The following USH1C variants were observed in gnomAD, a reference collection of about 807,000 sequenced individuals.
The protein encoded by USH1C is harmonin.
A neutral mutation model predicts 119.3 loss-of-function variants in USH1C; 90 were observed. The observed-to-expected ratio is 0.75, with a 90% CI of 0.64 to 0.90. The LOEUF is 0.90. Ranked by LOEUF, USH1C falls within the 40% of genes least tolerant of loss-of-function variation. The pLI, the probability that USH1C is intolerant of heterozygous loss-of-function variation, is 0.00. For synonymous variants in USH1C, 465 were observed against 443.3 expected (o/e 1.05, Z -0.62); for missense variants, 1,165 against 1,167.7 (o/e 1.00, Z 0.03).
At chr11:17,525,460 G>A (rs75636667) in intron 8 of USH1C, among the ~76,000 whole-genome samples, 3,843 of 152,304 alleles carry the variant, frequency 0.025, 168 homozygotes, top group African/African-American at 0.087. Flanking sequence ...CTATTTAGCA[G>A]GTACTAAGTT....
At chr11:17,526,927 G>A in intron 6 of USH1C, 89 bp downstream of exon 6, 1 of 1,572,134 alleles carries the variant, frequency 6.4e-7, no homozygotes, top group Non-Finnish European at 8.6e-7. Flanking sequence ...CCAGAAGCAG[G>A]GCTGGCATGG....
intron 24 of USH1C, among the ~76,000 whole-genome samples, chr11:17,497,202 A>G (rs1849279780): frequency 6.6e-6 from 1 of 152,154 alleles, no homozygotes; most frequent in African/African-American, 2.4e-5. Flanking sequence ...ATTCCGACGC[A>G]CTTTCTGATG....
At chr11:17,539,859 G>GTT in intron 1 of USH1C, among the ~76,000 whole-genome samples, 1 of 135,292 alleles carries the variant, frequency 7.4e-6, no homozygotes. Flanking sequence ...TTGAGACCAG[G>GTT]TCTTACTCTG....
At chr11:17,500,209 A>G (rs12799754) in intron 23 of USH1C, among the ~76,000 whole-genome samples, 189 of 152,304 alleles carry the variant, frequency 1.2e-3, no homozygotes, top group African/African-American at 4.3e-3. Context: ...GACACAGGGT[A>G]TGGGGGCCTC....
At chr11:17,541,563 C>T (rs76231741) in intron 1 of USH1C, among the ~76,000 whole-genome samples, 2,783 of 152,306 alleles carry the variant, frequency 0.018, 86 homozygotes, top group African/African-American at 0.061. Context: ...AAGTTCCTAC[C>T]CTGTGCTGGT....
At chr11:17,519,999 G>A (rs1422472836) in intron 14 of USH1C, among the ~76,000 whole-genome samples, 1 of 152,194 alleles carries the variant, frequency 6.6e-6, no homozygotes, top group African/African-American at 2.4e-5. Flanking sequence ...GCCCCTTGCT[G>A]GAGGTTCCCA....
At position 17,511,991 on chromosome 11, in the gene USH1C, C is replaced by A. The variant is rs1274924984; in HGVS notation, c.1324G>T (p.Glu442Ter). The A allele has an allele frequency of 6.2e-7, 1 of 1,614,072 alleles. No homozygotes were observed. Among genetic ancestry groups the A allele is most frequent in the Non-Finnish European group, 8.5e-7 (1 of 1,180,052 alleles). The change falls in exon 16 of 27, where the codon GAA becomes TAA. Residue 442 changes from glutamate (E) to a stop codon, truncating the protein, a stop_gained. Coordinates refer to ENST00000005226, the MANE Select transcript of USH1C (RefSeq NM_153676.4). LOFTEE classifies it high-confidence loss of function. ...SLQDLRKNKK[E>*]LEFEQKLYKE... Reference sequence around the variant, plus strand: ...TAAAGCTTTTGCTCAAACTCCAGTTCTTTCTTATTCTTTCTCAAGTCCTGC... The same window carrying A: ...TAAAGCTTTTGCTCAAACTCCAGTTATTTCTTATTCTTTCTCAAGTCCTGC...
chr11:17,499,923 T>C (rs1291096313), intron 23 of USH1C, among the ~76,000 whole-genome samples: 2 of 152,096 alleles, frequency 1.3e-5, no homozygotes, highest in Admixed American at 6.5e-5. Flanking sequence ...AGGGATCTGC[T>C]CATAGGGTCC....
chr11:17,507,645 C>T (rs1197463648), intron 18 of USH1C, among the ~76,000 whole-genome samples: 1 of 152,192 alleles, frequency 6.6e-6, no homozygotes. Flanking sequence ...AGGTAGCTGC[C>T]ATTAGCATTC....
chr11:17,544,171 G>A, intron 1 of USH1C, 101 bp downstream of exon 1: 1 of 1,495,710 alleles, frequency 6.7e-7, no homozygotes, highest in Non-Finnish European at 9.3e-7. Flanking sequence ...GCCATCAGGT[G>A]GGGCCGGAAA....
rs1169319571 is a variant in USH1C, at chr11:17,510,497, G to T, written c.1438C>A (p.Leu480Ile). The T allele has an allele frequency of 6.2e-7, 1 of 1,613,978 alleles. No individual in the cohort carries two copies. Among genetic ancestry groups the T allele is most frequent in the South Asian group, 1.1e-5 (1 of 91,064 alleles). The stretch of plus-strand genomic sequence containing the variant: ...TATTGAATCTTTTCCGATTCTTCAA[G>T]GTCTTCCCGCTCTGTCTCAGACACC... Reference protein sequence around the residue: ...QEVSETEREDLEESEKIQYWV... With the variant: ...QEVSETEREDIEESEKIQYWV... The change falls in exon 17 of 27, where the codon CTT becomes ATT. Residue 480 changes from leucine (L) to isoleucine (I), a missense_variant. Coordinates refer to ENST00000005226, the MANE Select transcript of USH1C (RefSeq NM_153676.4).
intron 8 of USH1C, among the ~76,000 whole-genome samples, chr11:17,525,391 AT>A (rs1251417364): frequency 6.6e-6 from 1 of 152,278 alleles, no homozygotes; most frequent in Non-Finnish European, 1.5e-5. Context: ...ATAAATGTGA[AT>A]GAAAGGAAAG....
At chr11:17,540,949 G>A (rs188095511) in intron 1 of USH1C, among the ~76,000 whole-genome samples, 5 of 152,140 alleles carry the variant, frequency 3.3e-5, no homozygotes, top group South Asian at 2.1e-4. Context: ...CCACCCCTCC[G>A]ACCCATTTCT....
rs201870537 is a variant in USH1C at position 17,509,822 on chromosome 11, G to A, written c.1547C>T (p.Pro516Leu). Residue 516 changes from proline (P) to leucine (L), a missense_variant, in exon 18 of 27, where the codon CCG becomes CTG. Transcript: ENST00000005226. ...GGGAGACACAGAAGGCGGGGGAGGCGGGGGCCCTGTGGTCATCTGGGGGTG... is the reference window on the plus strand; with the variant it reads ...GGGAGACACAGAAGGCGGGGGAGGCAGGGGCCCTGTGGTCATCTGGGGGTG... ...NEISEMTTGPPPPPPSVSPLA... is the reference protein window; with the variant it reads ...NEISEMTTGPLPPPPSVSPLA... 6.5e-5 allele frequency: 104 copies of A among 1,595,788 alleles called. No individual in the cohort carries two copies. The highest frequency in any genetic ancestry group is 1.1e-4 in the East Asian group (5 of 44,810).
chr11:17,523,760 A>C (rs1850533180), intron 9 of USH1C, among the ~76,000 whole-genome samples: 1 of 152,248 alleles, frequency 6.6e-6, no homozygotes, highest in Admixed American at 6.5e-5. Context: ...CATTTGCTTT[A>C]AAAATCACAG....
chr11:17,503,138 T>G (rs562784928), intron 20 of USH1C, among the ~76,000 whole-genome samples: 66 of 152,210 alleles, frequency 4.3e-4, no homozygotes, highest in Non-Finnish European at 9.3e-4. Context: ...CAAGAGGCCA[T>G]GAGCTCGGCT....
chr11:17,503,175 T>C (rs1027259651), intron 20 of USH1C, among the ~76,000 whole-genome samples: 1 of 151,954 alleles, frequency 6.6e-6, no homozygotes, highest in Non-Finnish European at 1.5e-5. Context: ...TCCAGGTCAG[T>C]GTGTGGGCAG....
At chr11:17,525,062 A>G (rs540149682) in intron 8 of USH1C, among the ~76,000 whole-genome samples, 3 of 152,044 alleles carry the variant, frequency 2.0e-5, no homozygotes, top group African/African-American at 4.8e-5. Flanking sequence ...CAGTGCTCCT[A>G]TGACATTTAC....
In USH1C at chr11:17,520,874, T is replaced by C. The variant is rs757715642; in HGVS notation, c.1206A>G (p.Pro402=). The C allele has an allele frequency of 1.2e-6, 2 of 1,614,184 alleles. No homozygotes were observed. The highest frequency in any genetic ancestry group is 2.2e-5 in the East Asian group (1 of 44,884). Residue 402 remains proline (P), a synonymous_variant, in exon 14 of 27, where the codon CCA becomes CCG. Coordinates refer to ENST00000005226, the MANE Select transcript of USH1C (RefSeq NM_153676.4). ...CCCTCGGCTCATGAAACTTACACTT[T>C]GGCTTGCGAAGGGGTACTGGGTGTA... ...AEVHPVPLRK[P]KSFGWFYRYD...
Sources: allele counts gnomAD v4.1 joint callset (sites outside exome capture counted in the v4.1 genomes callset), GRCh38; gene constraint gnomAD v4.1.1; transcripts MANE v1.5; gene names NCBI Gene and HGNC (gene_info 2026-07-23, HGNC 2026-07-21).